NBEA: variants seen among roughly 807,000 people sequenced by gnomAD.
NBEA encodes lysosomal-trafficking regulator 2.
Under a neutral mutation model 343.4 loss-of-function variants are expected in NBEA, and 44 were observed. The ratio of observed to expected loss-of-function variants is 0.13; its 90% CI spans 0.10 to 0.16. The LOEUF (loss-of-function observed/expected upper bound fraction) is 0.16, where lower values mean the gene tolerates loss of function less well. NBEA is among the 10% of genes least tolerant of loss of function. The pLI, the probability that NBEA is intolerant of heterozygous loss-of-function variation, is 1.00. For synonymous variants in NBEA, 1,175 were observed against 1,238.7 expected (o/e 0.95, Z 1.08); for missense variants, 2,555 against 3,631.3 (o/e 0.70, Z 7.62).
At chr13:35,390,455 G>A (rs939981051) in intron 38 of NBEA, among the ~76,000 whole-genome samples, 1 of 152,136 alleles carries the variant, frequency 6.6e-6, no homozygotes, top group Non-Finnish European at 1.5e-5. Context: ...CTGGAAACTA[G>A]TAGAATTGCA....
intron 49 of NBEA, among the ~76,000 whole-genome samples, chr13:35,643,288 G>T (rs2084058201): frequency 1.3e-5 from 2 of 151,920 alleles, no homozygotes; most frequent in African/African-American, 2.4e-5. Flanking sequence ...GGGCAGCCTG[G>T]GCTTGTCTCC....
Position 35,276,300 on chromosome 13 carries a change from C to CA in NBEA, c.5777-14080dup, listed in dbSNP as rs147368930. On this transcript the variant is annotated intron_variant, in intron 34 of 58. Transcript: ENST00000379939. Reference sequence around the variant, plus strand: ...TTTTAAATGCGAACCAGGAAAATACCAAAAAAAAAGAGGCTATGTTTAGAA... The same window carrying CA: ...TTTTAAATGCGAACCAGGAAAATACCAAAAAAAAAAGAGGCTATGTTTAGAA... 9.2e-3 allele frequency among the ~76,000 whole-genome samples: 1,375 copies of CA among 148,950 alleles called. 8 individuals carry two copies. Among genetic ancestry groups the CA allele is most frequent in the Non-Finnish European group, 0.015 (1,038 of 67,068 alleles).
At chr13:35,608,508 C>G (rs1157645425) in intron 48 of NBEA, among the ~76,000 whole-genome samples, 1 of 152,160 alleles carries the variant, frequency 6.6e-6, no homozygotes, top group Non-Finnish European at 1.5e-5. Flanking sequence ...CATTGTATAT[C>G]AATATCTCTC....
intron 39 of NBEA, among the ~76,000 whole-genome samples, chr13:35,440,097 CTCGAACTCTTGACCTTAGGTGA>C (rs754301588): frequency 6.6e-5 from 10 of 152,194 alleles, no homozygotes; most frequent in Non-Finnish European, 1.5e-4. Context: ...CCAGGCTGGT[CTCGAACTCTTGACCTTAGGTGA>C]TCCACCCGTC....
At chr13:35,445,788 A>ATATATATATATATATATATATG (rs2045976411) in intron 39 of NBEA, among the ~76,000 whole-genome samples, 1 of 61,710 alleles carries the variant, frequency 1.6e-5, no homozygotes, top group Non-Finnish European at 3.2e-5. Context: ...ATGTTTATAT[A>ATATATATATATATATATATATG]TATATATATA....
Position 35,208,765 on chromosome 13 carries a change from C to T in NBEA, c.5432C>T (p.Thr1811Ile). The T allele has an allele frequency of 6.2e-7, 1 of 1,611,884 alleles. No homozygotes were observed. Among genetic ancestry groups the T allele is most frequent in the Non-Finnish European group, 8.5e-7 (1 of 1,178,724 alleles). ...TTAGCTGTAACCACTGTGGGAGCCA[C>T]TACTGCTGGAAGTGGGCTGCCAACA... ...GSLAVTTVGA[T>I]TAGSGLPTGS... Residue 1811 changes from threonine (T) to isoleucine (I), a missense_variant, in exon 32 of 59, where the codon ACT (threonine) becomes ATT (isoleucine). Around this residue, in one of 21 missense-constraint regions of NBEA, gnomAD observed 270 missense variants for 293.3 expected, o/e 0.92. Transcript: ENST00000379939.
At chr13:35,535,159 G>A (rs1319322860) in intron 41 of NBEA, among the ~76,000 whole-genome samples, 1 of 152,056 alleles carries the variant, frequency 6.6e-6, no homozygotes, top group African/African-American at 2.4e-5. Context: ...CCATTTACTG[G>A]GCTATTTACA....
intron 38 of NBEA, among the ~76,000 whole-genome samples, chr13:35,396,039 G>T (rs1337691770): frequency 1.3e-5 from 2 of 151,948 alleles, no homozygotes; most frequent in Non-Finnish European, 2.9e-5. Flanking sequence ...AGTGCATTTT[G>T]TGAACACACA....
intron 25 of NBEA, 107 bp from the exon 26 acceptor site, chr13:35,171,165 A>G (rs2070434574): frequency 2.2e-6 from 2 of 921,104 alleles, no homozygotes; most frequent in Non-Finnish European, 3.4e-6. Flanking sequence ...TTTATAAAAT[A>G]TGGTAAATAT....
chr13:35,201,651 TCA>T (rs1421593360), intron 31 of NBEA, among the ~76,000 whole-genome samples: 12 of 152,080 alleles, frequency 7.9e-5, no homozygotes, highest in African/African-American at 2.9e-4. Context: ...TCTCTGGAAC[TCA>T]GTTTCCCAAC....
intron 1 of NBEA, among the ~76,000 whole-genome samples, chr13:34,959,415 T>C (rs2059592061): frequency 1.3e-5 from 2 of 152,108 alleles, no homozygotes; most frequent in South Asian, 4.1e-4. Context: ...TAAGTATAGA[T>C]TCCAATGGCA....
intron 10 of NBEA, among the ~76,000 whole-genome samples, chr13:35,075,668 A>G (rs1020618509): frequency 6.6e-6 from 1 of 150,830 alleles, no homozygotes; most frequent in Non-Finnish European, 1.5e-5. Flanking sequence ...ATCACAATTT[A>G]TTTTTTAAGA....
At chr13:35,495,033 A>C (rs9574030) in intron 41 of NBEA, among the ~76,000 whole-genome samples, 1 of 151,684 alleles carries the variant, frequency 6.6e-6, no homozygotes, top group African/African-American at 2.4e-5. Context: ...GAAAAGAAAA[A>C]AAAATCAGAG....
chr13:35,155,820 C>G lies in NBEA; in HGVS notation c.2492C>G (p.Pro831Arg). 1 of 1,612,694 alleles carries G rather than the reference C, an allele frequency of 6.2e-7. No homozygotes were observed. ...VCTQVVHKPH[P>R]EPDSTVKIQN... ...ACTCAGGTCGTACACAAACCACATCCAGAGCCAGATTCTACAGTGAAAATT... is the reference window on the plus strand; with the variant it reads ...ACTCAGGTCGTACACAAACCACATCGAGAGCCAGATTCTACAGTGAAAATT... Residue 831 changes from proline (P) to arginine (R), a missense_variant, in exon 19 of 59, where the codon CCA becomes CGA. Physicochemically the swap from Pro to Arg is moderately radical, Grantham distance 103 (BLOSUM62 -2). Around this residue, in one of 21 missense-constraint regions of NBEA, gnomAD observed 360 missense variants for 519.1 expected, o/e 0.69. Transcript: ENST00000379939.
At chr13:35,215,723 T>TAAGC (rs973127688) in intron 33 of NBEA, among the ~76,000 whole-genome samples, 1 of 151,706 alleles carries the variant, frequency 6.6e-6, no homozygotes, top group Admixed American at 6.6e-5. Flanking sequence ...AGTTTCCTTA[T>TAAGC]TATTTTCTAT....
rs945752904 is a variant in NBEA, at chr13:35,139,704, A to G, written c.2337-2565A>G. On this transcript the variant is annotated intron_variant, in intron 17 of 58. Transcript: ENST00000379939. ...TAAGGAACAAAATCATGTGATGTAC[A>G]GGGCCAGTGCACCATTTCCTGCCTA... Among the ~76,000 whole-genome samples, 9 of 142,508 alleles carry G rather than the reference A, an allele frequency of 6.3e-5. No homozygotes were observed. In the East Asian group the frequency reaches 2.0e-3, roughly 32 times the overall value. The allele number at this position is 142,508 out of a possible 152,430, so 93.5% of individuals were successfully genotyped here. A position where few individuals can be genotyped will look rare whatever the true frequency, so the allele number is the denominator to read the frequency against.
chr13:35,173,398 C>T, intron 26 of NBEA, 66 bp from the exon 27 acceptor site: 1 of 1,380,966 alleles, frequency 7.2e-7, no homozygotes, highest in Non-Finnish European at 9.7e-7. Context: ...AATAAACTTG[C>T]AACTTTTTCC....
chr13:35,030,533 G>A (rs1348123378), intron 1 of NBEA, among the ~76,000 whole-genome samples: 1 of 151,566 alleles, frequency 6.6e-6, no homozygotes, highest in African/African-American at 2.4e-5. Flanking sequence ...CTTTCTATGA[G>A]GATAATGAAG....
At chr13:35,293,244 C>A (rs1034264564) in intron 35 of NBEA, among the ~76,000 whole-genome samples, 3 of 151,832 alleles carry the variant, frequency 2.0e-5, no homozygotes, top group Non-Finnish European at 4.4e-5. Flanking sequence ...TCCAGTCTAC[C>A]CCCCAATGTA....
Sources: allele counts gnomAD v4.1 joint callset (sites outside exome capture counted in the v4.1 genomes callset), GRCh38; gene constraint gnomAD v4.1.1; regional missense constraint gnomAD v4.1.1; transcripts MANE v1.5; gene names NCBI Gene and HGNC (gene_info 2026-07-23, HGNC 2026-07-21).